Variants in ANKRD11 observed in about 807,000 individuals in gnomAD.
ANKRD11 encodes ankyrin repeat domain 11.
Under a neutral mutation model 195.7 loss-of-function variants are expected in ANKRD11, and 17 were observed. The observed-to-expected ratio is 0.09, with a 90% confidence interval of 0.06 to 0.13. The LOEUF is 0.13. ANKRD11 is among the 10% of genes least tolerant of loss of function. The pLI is 1.00. For missense variants in ANKRD11, 3,735 were observed against 3,566.1 expected (o/e 1.05, Z -1.21); for synonymous variants, 1,953 against 1,528.1 (o/e 1.28, Z -6.49).
chr16:89,295,482 T>C (rs937518263), intron 4 of ANKRD11, among the ~76,000 whole-genome samples: 1 of 152,192 alleles, frequency 6.6e-6, no homozygotes, highest in South Asian at 2.1e-4. Context: ...CAGTGGAAGA[T>C]TCCACGGAAC....
At chr16:89,325,471 A>T (rs3114899) in intron 2 of ANKRD11, among the ~76,000 whole-genome samples, 73,829 of 116,302 alleles carry the variant, frequency 0.63, 19,315 homozygotes, top group Middle Eastern at 0.71. Flanking sequence ...TCTCTCTCTC[A>T]CACACACACA....
chr16:89,399,767 A>G (rs905573559), intron 2 of ANKRD11, among the ~76,000 whole-genome samples: 1 of 151,502 alleles, frequency 6.6e-6, no homozygotes, highest in African/African-American at 2.4e-5. Context: ...TTTATGTTCT[A>G]TTTTGCTGTG....
intron 2 of ANKRD11, among the ~76,000 whole-genome samples, chr16:89,342,835 G>A (rs537286113): frequency 1.6e-4 from 25 of 152,298 alleles, no homozygotes; most frequent in African/African-American, 5.8e-4. Context: ...TGTTCCCTCA[G>A]AGTGCCTTTC....
At chr16:89,270,994 A>G (rs2033101935) in intron 11 of ANKRD11, 85 bp from the exon 12 acceptor site, 1 of 1,305,756 alleles carries the variant, frequency 7.7e-7, no homozygotes. Flanking sequence ...TGCTGCAGTG[A>G]CCGTTCTCAA....
intron 2 of ANKRD11, among the ~76,000 whole-genome samples, chr16:89,398,600 G>A (rs2041563717): frequency 6.6e-6 from 1 of 152,112 alleles, no homozygotes; most frequent in South Asian, 2.1e-4. Flanking sequence ...AAAATAGCTG[G>A]GTGTGTTGGC....
At chr16:89,341,635 C>T (rs1012925264) in intron 2 of ANKRD11, among the ~76,000 whole-genome samples, 9 of 152,240 alleles carry the variant, frequency 5.9e-5, no homozygotes, top group Admixed American at 2.6e-4. Flanking sequence ...TAAATCCCAC[C>T]GTTAACACTG....
chr16:89,417,265 G>T (rs180996455), intron 2 of ANKRD11, among the ~76,000 whole-genome samples: 3 of 152,206 alleles, frequency 2.0e-5, no homozygotes, highest in African/African-American at 7.2e-5. Context: ...GTTCTTTCAC[G>T]TTTGCTGGGA....
intron 2 of ANKRD11, among the ~76,000 whole-genome samples, chr16:89,415,268 T>TAAACCC (rs1567773123): frequency 7.0e-6 from 1 of 142,754 alleles, no homozygotes; most frequent in African/African-American, 2.7e-5. Flanking sequence ...ATTCTTTTTT[T>TAAACCC]TTTTTTTTTT....
At chr16:89,433,182 G>A (rs2152275024) in intron 1 of ANKRD11, among the ~76,000 whole-genome samples, 1 of 152,278 alleles carries the variant, frequency 6.6e-6, no homozygotes, top group African/African-American at 2.4e-5. Flanking sequence ...ATTTGGAAAT[G>A]AAAAAGGAAG....
At chr16:89,377,484 G>A (rs2040474353) in intron 2 of ANKRD11, among the ~76,000 whole-genome samples, 1 of 152,084 alleles carries the variant, frequency 6.6e-6, no homozygotes, top group Admixed American at 6.6e-5. Context: ...CGGGGCAGGA[G>A]GGCTGGGGGG....
intron 2 of ANKRD11, among the ~76,000 whole-genome samples, chr16:89,365,588 T>G (rs113558601): frequency 9.8e-5 from 15 of 152,310 alleles, no homozygotes; most frequent in African/African-American, 3.6e-4. Context: ...TGTGTATGCC[T>G]TAATAATTGA....
At chr16:89,286,973 G>A (rs1370068630) in intron 7 of ANKRD11, 1 of 1,289,780 alleles carries the variant, frequency 7.8e-7, no homozygotes, top group Non-Finnish European at 1.0e-6. Flanking sequence ...TGTGTGACAT[G>A]TTCTATTGTT....
chr16:89,484,314 G>A (rs982788503), intron 1 of ANKRD11, among the ~76,000 whole-genome samples: 2 of 152,074 alleles, frequency 1.3e-5, no homozygotes, highest in African/African-American at 2.4e-5. Context: ...AGAAAAATAA[G>A]GTCCTTCACT....
chr16:89,306,942 G>A (rs377106691), intron 3 of ANKRD11, among the ~76,000 whole-genome samples: 3 of 152,118 alleles, frequency 2.0e-5, no homozygotes, highest in South Asian at 2.1e-4. Context: ...GGAGGGAGAC[G>A]GTGCGACACA....
chr16:89,321,517 G>A (rs2037327813), intron 2 of ANKRD11, among the ~76,000 whole-genome samples: 1 of 151,968 alleles, frequency 6.6e-6, no homozygotes, highest in African/African-American at 2.4e-5. Context: ...GGGCTGCCCA[G>A]GAGCACTCCT....
rs139269578 is a variant in ANKRD11, at chr16:89,393,931, G to A, written c.-60+24353C>T. ...AGTCACGAAGAAAGTGCTTGTAATA[G>A]AGACTAGTTTACTTGTGAGGGCTAC... On this transcript the variant is annotated intron_variant, in intron 2 of 12. Coordinates refer to ENST00000301030, the MANE Select transcript of ANKRD11 (RefSeq NM_013275.6). Among the ~76,000 whole-genome samples, 885 of 152,326 alleles carry A rather than the reference G, an allele frequency of 5.8e-3. 5 individuals carry two copies. The highest frequency in any genetic ancestry group is 8.4e-3 in the Non-Finnish European group (571 of 68,026).
intron 1 of ANKRD11, among the ~76,000 whole-genome samples, chr16:89,482,685 G>A (rs1348932101): frequency 2.0e-5 from 3 of 152,210 alleles, no homozygotes; most frequent in African/African-American, 4.8e-5. Flanking sequence ...CAGCACTGCT[G>A]GGGGGCTGAG....
At chr16:89,435,497 C>A (rs890263325) in intron 1 of ANKRD11, among the ~76,000 whole-genome samples, 1 of 152,138 alleles carries the variant, frequency 6.6e-6, no homozygotes, top group African/African-American at 2.4e-5. Context: ...CGAAGGTCTG[C>A]AGCTTCACTC....
chr16:89,465,746 T>C (rs1369728974), intron 1 of ANKRD11, among the ~76,000 whole-genome samples: 1 of 152,202 alleles, frequency 6.6e-6, no homozygotes, highest in East Asian at 1.9e-4. Context: ...AGTCTCGCTC[T>C]GTCGCCCAGG....
Sources: gnomAD v4.1 joint callset for allele counts (sites outside exome capture counted in the v4.1 genomes callset) on GRCh38, gnomAD v4.1.1 for gene constraint, MANE v1.5 for transcripts, NCBI Gene and HGNC (gene_info 2026-07-23, HGNC 2026-07-21) for gene names.